PSMB2: variants seen among roughly 807,000 people sequenced by gnomAD.
PSMB2 encodes proteasome subunit beta type-2.
PSMB2 carries 13 observed loss-of-function variants against 25.7 expected under a neutral mutation model. The observed-to-expected ratio is 0.51, with a 90% confidence interval of 0.33 to 0.80. PSMB2 has a LOEUF of 0.80. Among genes scored for constraint, PSMB2 ranks in the 30% least tolerant of loss-of-function variants. The pLI is 0.02. For missense variants in PSMB2, 202 were observed against 259.0 expected, an observed-to-expected ratio of 0.78 and a Z score of 1.51; for synonymous variants, 87 against 96.2, an observed-to-expected ratio of 0.90 and a Z score of 0.56.
intron 3 of PSMB2, among the ~76,000 whole-genome samples, chr1:35,630,798 C>G (rs1432940865): frequency 6.6e-6 from 1 of 152,150 alleles, no homozygotes; most frequent in East Asian, 1.9e-4. Flanking sequence ...CCCATAACAT[C>G]CACAACAGCA....
At position 35,601,568 on chromosome 1, in the gene PSMB2, A is replaced by G. The variant is rs1371108779; in HGVS notation, c.*1699T>C. ...TTATCATTGGCGTATTAAATAGTGT[A>G]TAAGACACCCAAATCTAATGTTAAC... On this transcript the variant is annotated 3_prime_UTR_variant, in exon 6 of 6. Transcript: ENST00000373237. 1 of 985,132 alleles carries G rather than the reference A, an allele frequency of 1.0e-6. No individual in the cohort carries two copies. 61.0% of individuals were successfully genotyped at this position (985,132 alleles called of 1,614,324 possible). A position where few individuals can be genotyped will look rare whatever the true frequency, so the allele number is the denominator to read the frequency against.
At chr1:35,630,044 G>A (rs1418207151) in intron 3 of PSMB2, among the ~76,000 whole-genome samples, 2 of 151,938 alleles carry the variant, frequency 1.3e-5, no homozygotes, top group South Asian at 2.1e-4. Context: ...GCGTGGTGGT[G>A]CATGCCTGTA....
chr1:35,627,031 T>C (rs1650883941), intron 3 of PSMB2, among the ~76,000 whole-genome samples: 1 of 152,118 alleles, frequency 6.6e-6, no homozygotes, highest in South Asian at 2.1e-4. Context: ...ATGTGGCTAG[T>C]TGGCTACCAT....
At chr1:35,620,480 C>T (rs1002147057) in intron 3 of PSMB2, among the ~76,000 whole-genome samples, 21 of 152,114 alleles carry the variant, frequency 1.4e-4, no homozygotes, top group African/African-American at 4.8e-4. Context: ...AGCCAACAGG[C>T]TTCCAGAGAG....
intron 1 of PSMB2, among the ~76,000 whole-genome samples, chr1:35,640,652 G>A (rs584598): frequency 0.74 from 108,185 of 145,838 alleles, 45,551 homozygotes; most frequent in Non-Finnish European, 0.97. Flanking sequence ...TCAGAGATTC[G>A]GGGATCTAGA....
chr1:35,636,211 G>A (rs1339331381), intron 2 of PSMB2, 99 bp downstream of exon 2: 8 of 1,441,410 alleles, frequency 5.6e-6, no homozygotes, highest in Non-Finnish European at 4.8e-6. Context: ...AGAACTGTGA[G>A]AAAATACATT....
intron 4 of PSMB2, among the ~76,000 whole-genome samples, chr1:35,607,958 G>A (rs1417763303): frequency 6.6e-6 from 1 of 152,186 alleles, no homozygotes; most frequent in African/African-American, 2.4e-5. Flanking sequence ...AACACTGCAC[G>A]TTCTCACTCA....
At position 35,621,228 on chromosome 1, in the gene PSMB2, T is replaced by C. The variant is rs575911191; in HGVS notation, c.285+10046A>G. On this transcript the variant is annotated intron_variant, in intron 3 of 5. Transcript: ENST00000373237. ...TCATCTTTGCATTCATGACAGCAAG[T>C]CCTTTGAGGCTCAGGTTAGGCTCTG... Among the ~76,000 whole-genome samples, 9 of 152,284 alleles carry C rather than the reference T, an allele frequency of 5.9e-5. No individual in the cohort carries two copies. The South Asian group carries it at 1.9e-3, about 32-fold the overall frequency.
At chr1:35,620,030 A>C (rs1408903721) in intron 3 of PSMB2, among the ~76,000 whole-genome samples, 1 of 152,192 alleles carries the variant, frequency 6.6e-6, no homozygotes, top group Non-Finnish European at 1.5e-5. Context: ...AGTTTTTAAA[A>C]ATCTCAAATG....
chr1:35,628,335 C>T (rs1470849148), intron 3 of PSMB2, among the ~76,000 whole-genome samples: 1 of 151,496 alleles, frequency 6.6e-6, no homozygotes, highest in South Asian at 2.1e-4. Flanking sequence ...TATCTCAATT[C>T]CAAAAAGGAG....
chr1:35,631,659 G>A (rs564616906), intron 2 of PSMB2: 4 of 267,576 alleles, frequency 1.5e-5, no homozygotes, highest in East Asian at 9.9e-5. Flanking sequence ...AAAGGAACAC[G>A]AATACACAAG....
At chr1:35,629,754 A>C (rs2148575631) in intron 3 of PSMB2, among the ~76,000 whole-genome samples, 1 of 151,998 alleles carries the variant, frequency 6.6e-6, no homozygotes, top group Admixed American at 6.6e-5. Context: ...AGGCTTCAGT[A>C]AGCTGAGATC....
chr1:35,636,459 A>G lies in PSMB2; in HGVS notation c.92-27T>C, dbSNP rs59498001. 5.6e-6 allele frequency: 9 copies of G among 1,608,410 alleles called. No individual in the cohort carries two copies. In the African/African-American group the frequency reaches 1.2e-4, roughly 22 times the overall value. ...TGCTCAAAGAAGAAAACTGTGTTAG[A>G]AACTGCCTTAACAGACATTGACCGT... On this transcript the variant is annotated intron_variant, in intron 1 of 5. Coordinates refer to ENST00000373237, the MANE Select transcript of PSMB2 (RefSeq NM_002794.5).
intron 1 of PSMB2, among the ~76,000 whole-genome samples, chr1:35,639,847 C>A (rs1651342490): frequency 6.6e-6 from 1 of 152,180 alleles, no homozygotes; most frequent in Non-Finnish European, 1.5e-5. Context: ...AAAACTTCTA[C>A]AAACTAATCA....
At chr1:35,627,305 A>G (rs1650895837) in intron 3 of PSMB2, among the ~76,000 whole-genome samples, 1 of 151,620 alleles carries the variant, frequency 6.6e-6, no homozygotes, top group African/African-American at 2.4e-5. Context: ...ATCCCTCACG[A>G]AAAACTAACT....
At chr1:35,638,026 C>T (rs1298600393) in intron 1 of PSMB2, among the ~76,000 whole-genome samples, 2 of 151,942 alleles carry the variant, frequency 1.3e-5, no homozygotes, top group East Asian at 1.9e-4. Flanking sequence ...TCAATAAGTT[C>T]GCATTATTTT....
chr1:35,628,596 A>AAAAAATATATAT (rs59538661), intron 3 of PSMB2, among the ~76,000 whole-genome samples: 8 of 25,104 alleles, frequency 3.2e-4, no homozygotes, highest in Non-Finnish European at 6.1e-4. Flanking sequence ...AAAAAAAAAA[A>AAAAAATATATAT]ATATATATAT....
chr1:35,612,857 T>A (rs1650381343), intron 3 of PSMB2, among the ~76,000 whole-genome samples: 2 of 152,250 alleles, frequency 1.3e-5, no homozygotes, highest in African/African-American at 4.8e-5. Flanking sequence ...AGATGTTTTG[T>A]CTTCAATGAA....
At chr1:35,628,629 A>ATTTTTTTTTTTT (rs1401010119) in intron 3 of PSMB2, among the ~76,000 whole-genome samples, 1 of 43,596 alleles carries the variant, frequency 2.3e-5, no homozygotes, top group African/African-American at 1.1e-4. Flanking sequence ...ATATATATAT[A>ATTTTTTTTTTTT]TATTTTTTTT....
Sources: gnomAD v4.1 joint callset for allele counts (sites outside exome capture counted in the v4.1 genomes callset) on GRCh38, gnomAD v4.1.1 for gene constraint, MANE v1.5 for transcripts, NCBI Gene and HGNC (gene_info 2026-07-23, HGNC 2026-07-21) for gene names.